The following NAV2 variants were observed in gnomAD, a reference collection of about 807,000 sequenced individuals.
NAV2 encodes helicase, APC down-regulated 1.
NAV2 carries 54 observed loss-of-function variants against 223.2 expected under a neutral mutation model. The ratio of observed to expected loss-of-function variants is 0.24; its 90% CI spans 0.19 to 0.30. The LOEUF (loss-of-function observed/expected upper bound fraction) is 0.30. Among genes scored for constraint, NAV2 ranks in the 10% least tolerant of loss-of-function variants. The probability of loss-of-function intolerance (pLI) is 1.00; values close to 1 mark genes in which losing one functional copy is unlikely to be tolerated. For synonymous variants in NAV2, 1,279 were observed against 1,239.3 expected (o/e 1.03, Z -0.67); for missense variants, 2,806 against 3,147.5 (o/e 0.89, Z 2.60).
chr11:19,449,741 T>A (rs1195914020), intron 1 of NAV2, among the ~76,000 whole-genome samples: 1 of 152,128 alleles, frequency 6.6e-6, no homozygotes, highest in Admixed American at 6.5e-5. Flanking sequence ...GGCTGGGCCA[T>A]GAGAGCACCT....
chr11:19,490,869 T>C (rs1564981246), intron 1 of NAV2, among the ~76,000 whole-genome samples: 1 of 152,350 alleles, frequency 6.6e-6, no homozygotes, highest in East Asian at 1.9e-4. Context: ...ATTTTTGAAA[T>C]AATAAGGCTT....
intron 1 of NAV2, among the ~76,000 whole-genome samples, chr11:19,455,688 G>C (rs1306387905): frequency 1.3e-5 from 2 of 152,198 alleles, no homozygotes; most frequent in African/African-American, 4.8e-5. Flanking sequence ...CCCAGAGCTA[G>C]GAAGTGGAGG....
intron 1 of NAV2, among the ~76,000 whole-genome samples, chr11:19,444,604 A>G (rs1164180988): frequency 6.6e-6 from 1 of 151,832 alleles, no homozygotes; most frequent in African/African-American, 2.4e-5. Flanking sequence ...TGAACTCTGT[A>G]TGAACAAGGA....
At chr11:19,748,333 A>T (rs768141038) in intron 1 of NAV2, among the ~76,000 whole-genome samples, 1 of 152,200 alleles carries the variant, frequency 6.6e-6, no homozygotes, top group Non-Finnish European at 1.5e-5. Flanking sequence ...CAAGCATCTT[A>T]CTGTGATGTG....
intron 11 of NAV2, among the ~76,000 whole-genome samples, chr11:19,991,063 A>G (rs976909570): frequency 1.4e-4 from 21 of 152,204 alleles, no homozygotes; most frequent in Admixed American, 2.6e-4. Flanking sequence ...TGTTGTGAGG[A>G]TCAAATGAGG....
chr11:20,027,492 CAG>C, intron 11 of NAV2: 1 of 980,436 alleles, frequency 1.0e-6, no homozygotes, highest in Non-Finnish European at 1.2e-6. Flanking sequence ...CAGCTGGTCA[CAG>C]CTGCGCAGTG....
At chr11:19,932,236 C>CA (rs398015484) in intron 6 of NAV2, among the ~76,000 whole-genome samples, 17,983 of 79,100 alleles carry the variant, frequency 0.23, 2,275 homozygotes, top group Admixed American at 0.27. Context: ...CACTCTTAAG[C>CA]AAAAAAAAAA....
At chr11:19,804,033 T>G (rs146248070) in intron 1 of NAV2, among the ~76,000 whole-genome samples, 11 of 152,244 alleles carry the variant, frequency 7.2e-5, no homozygotes, top group Admixed American at 5.9e-4. Flanking sequence ...CTTAATGACT[T>G]TTACTACTTA....
At chr11:19,368,984 G>A (rs1848381716) in intron 1 of NAV2, among the ~76,000 whole-genome samples, 1 of 152,124 alleles carries the variant, frequency 6.6e-6, no homozygotes, top group Non-Finnish European at 1.5e-5. Context: ...CTCCAAGTTT[G>A]GTCTTCTTTG....
At chr11:20,055,662 G>A (rs2153611979) in intron 18 of NAV2, 107 bp from the exon 19 acceptor site, 1 of 977,522 alleles carries the variant, frequency 1.0e-6, no homozygotes, top group East Asian at 2.4e-5. Flanking sequence ...AGAAGAGTTG[G>A]CAGAAACACA....
chr11:19,539,500 A>C (rs1420503856), intron 1 of NAV2, among the ~76,000 whole-genome samples: 1 of 152,194 alleles, frequency 6.6e-6, no homozygotes, highest in East Asian at 1.9e-4. Flanking sequence ...TTTCATTGTA[A>C]GAATGTATAC....
chr11:19,979,398 C>G (rs1001685102), intron 10 of NAV2, among the ~76,000 whole-genome samples: 2 of 152,148 alleles, frequency 1.3e-5, no homozygotes, highest in African/African-American at 4.8e-5. Flanking sequence ...CAGCCCAGTT[C>G]CTAGCTGTGA....
chr11:19,399,424 A>G (rs1471092749), intron 1 of NAV2, among the ~76,000 whole-genome samples: 1 of 152,202 alleles, frequency 6.6e-6, no homozygotes, highest in Non-Finnish European at 1.5e-5. Context: ...CTTAGCTGTC[A>G]TATTTTGCAA....
Position 19,562,147 on chromosome 11 carries a change from A to G in NAV2, c.75+211120A>G, listed in dbSNP as rs532420850. Among the ~76,000 whole-genome samples the G allele has an allele frequency of 5.9e-5, 9 of 152,366 alleles. No individual in the cohort carries two copies. The South Asian group carries it at 1.9e-3, about 32-fold the overall frequency. The stretch of plus-strand genomic sequence containing the variant: ...ACCCTTATAAGGATTAACTAGTAAA[A>G]ATAACAAAAACCATCACAACAATCC... On this transcript the variant is annotated intron_variant, in intron 1 of 37. Coordinates refer to the NAV2 transcript ENST00000360655.
At chr11:19,789,126 C>T (rs962941916) in intron 1 of NAV2, among the ~76,000 whole-genome samples, 2 of 151,976 alleles carry the variant, frequency 1.3e-5, no homozygotes, top group Non-Finnish European at 2.9e-5. Context: ...AAGAGAGACA[C>T]CATTTCTCTA....
chr11:20,035,012 G>A (rs1225377459), intron 11 of NAV2, among the ~76,000 whole-genome samples: 1 of 152,140 alleles, frequency 6.6e-6, no homozygotes, highest in South Asian at 2.1e-4. Flanking sequence ...GTCTTGAGGG[G>A]CCATATAGAG....
At chr11:19,505,390 T>C (rs1044948959) in intron 1 of NAV2, 4 of 152,222 alleles carry the variant, frequency 2.6e-5, no homozygotes, top group African/African-American at 9.6e-5. Context: ...CTTAGAGCTG[T>C]AGACACTGCA....
chr11:20,085,017 T>C (rs886487194), intron 26 of NAV2, among the ~76,000 whole-genome samples: 1 of 151,758 alleles, frequency 6.6e-6, no homozygotes, highest in Non-Finnish European at 1.5e-5. Flanking sequence ...AGTGAGACTC[T>C]GTCTCTACAA....
chr11:19,620,018 T>A (rs997675739), intron 1 of NAV2, among the ~76,000 whole-genome samples: 4 of 152,194 alleles, frequency 2.6e-5, no homozygotes, highest in African/African-American at 9.7e-5. Context: ...TAAATAGGGA[T>A]CCTTTCCCCA....
Sources: allele counts gnomAD v4.1 joint callset (sites outside exome capture counted in the v4.1 genomes callset), GRCh38; gene constraint gnomAD v4.1.1; transcripts MANE v1.5; gene names NCBI Gene and HGNC (gene_info 2026-07-23, HGNC 2026-07-21).